SH3RF3: variants seen among roughly 807,000 people sequenced by gnomAD.
SH3RF3 encodes SH3 domain containing ring finger 3.
SH3RF3 carries 29 observed loss-of-function variants against 66.3 expected under a neutral mutation model. That is an observed-to-expected ratio of 0.44 (90% CI 0.33 to 0.60). SH3RF3 has a LOEUF of 0.60. Among genes scored for constraint, SH3RF3 ranks in the 20% least tolerant of loss-of-function variants. The pLI is 0.04. For missense variants in SH3RF3, 1,194 were observed against 1,190.9 expected (o/e 1.00, Z -0.04); for synonymous variants, 583 against 532.0 (o/e 1.10, Z -1.32).
intron 1 of SH3RF3, among the ~76,000 whole-genome samples, chr2:109,331,065 A>G (rs1187863219): frequency 6.6e-6 from 1 of 152,236 alleles, no homozygotes; most frequent in Non-Finnish European, 1.5e-5. Flanking sequence ...AATCTAAAAA[A>G]GACTCCTCAG....
intron 1 of SH3RF3, among the ~76,000 whole-genome samples, chr2:109,347,370 A>G (rs1170005851): frequency 1.3e-5 from 2 of 152,024 alleles, no homozygotes; most frequent in Admixed American, 6.6e-5. Context: ...AAATGAAGAC[A>G]AGCCAGCACC....
intron 1 of SH3RF3, among the ~76,000 whole-genome samples, chr2:109,206,533 G>A (rs1248127741): frequency 6.9e-6 from 1 of 144,744 alleles, no homozygotes. Context: ...AGGAGGCTGA[G>A]TGTGGTGGCT....
At chr2:109,184,104 A>G (rs958109301) in intron 1 of SH3RF3, among the ~76,000 whole-genome samples, 1 of 152,184 alleles carries the variant, frequency 6.6e-6, no homozygotes, top group Non-Finnish European at 1.5e-5. Flanking sequence ...TGGTGGTTCC[A>G]TGTGCTTCGT....
At chr2:109,277,100 C>T (rs1680775279) in intron 1 of SH3RF3, among the ~76,000 whole-genome samples, 2 of 152,218 alleles carry the variant, frequency 1.3e-5, no homozygotes, top group Non-Finnish European at 2.9e-5. Context: ...GGTCCCTCAA[C>T]TGTCCAGAGC....
intron 6 of SH3RF3, 125 bp downstream of exon 6, chr2:109,432,796 C>A: frequency 7.6e-7 from 1 of 1,315,570 alleles, no homozygotes; most frequent in Non-Finnish European, 1.0e-6. Context: ...CACCAGTGCC[C>A]AGGGTTCAGC....
At chr2:109,447,575 C>CT (rs569034252) in intron 7 of SH3RF3, among the ~76,000 whole-genome samples, 167 of 152,244 alleles carry the variant, frequency 1.1e-3, no homozygotes, top group South Asian at 3.9e-3. Context: ...TGGTGCTGCC[C>CT]GGGCCACTTG....
At chr2:109,171,690 G>A (rs1025104316) in intron 1 of SH3RF3, among the ~76,000 whole-genome samples, 2 of 152,244 alleles carry the variant, frequency 1.3e-5, no homozygotes, top group Non-Finnish European at 2.9e-5. Flanking sequence ...TTGGGAGTTC[G>A]GTGCAGCTAA....
In SH3RF3 at chr2:109,467,878, A is replaced by G. The variant is rs114030834; in HGVS notation, c.2148+18389A>G. ...CTCCGCCGTCATTCACATCCCTCAC[A>G]GACCTCAGATGCCTGTAGCCAGCTG... On this transcript the variant is annotated intron_variant, in intron 8 of 9. Coordinates refer to ENST00000309415, the MANE Select transcript of SH3RF3 (RefSeq NM_001099289.3). Among the ~76,000 whole-genome samples, 357 of 152,112 alleles carry G rather than the reference A, an allele frequency of 2.3e-3. 2 individuals carry two copies. The highest frequency in any genetic ancestry group is 8.0e-3 in the African/African-American group (329 of 41,376).
At chr2:109,428,274 G>A (rs983835663) in intron 5 of SH3RF3, among the ~76,000 whole-genome samples, 2 of 152,250 alleles carry the variant, frequency 1.3e-5, no homozygotes, top group African/African-American at 2.4e-5. Flanking sequence ...TGAAATTAGC[G>A]AAGGCACTAA....
At chr2:109,327,827 T>C (rs887538887) in intron 1 of SH3RF3, among the ~76,000 whole-genome samples, 1 of 152,376 alleles carries the variant, frequency 6.6e-6, no homozygotes, top group African/African-American at 2.4e-5. Context: ...CACTTCCCAG[T>C]GTTCCTGTTT....
chr2:109,390,714 G>A (rs1034814821), intron 3 of SH3RF3, among the ~76,000 whole-genome samples: 27 of 152,316 alleles, frequency 1.8e-4, no homozygotes, highest in Admixed American at 6.5e-4. Context: ...ATTGACAGCC[G>A]CAGGGCAGCT....
chr2:109,218,412 T>A (rs146573181), intron 1 of SH3RF3, among the ~76,000 whole-genome samples: 1 of 152,162 alleles, frequency 6.6e-6, no homozygotes, highest in Non-Finnish European at 1.5e-5. Context: ...AGTCTTTGAG[T>A]GAAAATGTTA....
intron 1 of SH3RF3, among the ~76,000 whole-genome samples, chr2:109,225,613 G>T (rs1679357196): frequency 6.6e-6 from 1 of 152,234 alleles, no homozygotes. Context: ...CATTTGCAAT[G>T]TCTTAAGTCA....
chr2:109,331,851 C>T (rs79244518), intron 1 of SH3RF3, among the ~76,000 whole-genome samples: 17,446 of 152,126 alleles, frequency 0.11, 1,222 homozygotes, highest in East Asian at 0.24. Flanking sequence ...CTGTCATGCC[C>T]CTGGGGTCTC....
chr2:109,156,404 T>C (rs893174623), intron 1 of SH3RF3, among the ~76,000 whole-genome samples: 6 of 152,216 alleles, frequency 3.9e-5, no homozygotes, highest in Admixed American at 6.5e-5. Flanking sequence ...TTCTGAACTT[T>C]TGAGTGATTC....
At chr2:109,450,071 C>T (rs989277159) in intron 8 of SH3RF3, among the ~76,000 whole-genome samples, 4 of 152,118 alleles carry the variant, frequency 2.6e-5, no homozygotes, top group Non-Finnish European at 5.9e-5. Flanking sequence ...CTGGGCCAGG[C>T]GTGGTGGCTC....
intron 1 of SH3RF3, among the ~76,000 whole-genome samples, chr2:109,322,874 T>C (rs998905596): frequency 6.6e-6 from 1 of 152,210 alleles, no homozygotes; most frequent in African/African-American, 2.4e-5. Context: ...TAAAGTTCCA[T>C]GCACAAACCT....
chr2:109,238,930 A>G (rs1679716017), intron 1 of SH3RF3, among the ~76,000 whole-genome samples: 2 of 152,170 alleles, frequency 1.3e-5, no homozygotes, highest in African/African-American at 4.8e-5. Flanking sequence ...CATGCATCAG[A>G]GACAACAGAT....
At chr2:109,464,773 C>T (rs373995203) in intron 8 of SH3RF3, among the ~76,000 whole-genome samples, 1 of 152,186 alleles carries the variant, frequency 6.6e-6, no homozygotes, top group Non-Finnish European at 1.5e-5. Context: ...TGGCCTACAC[C>T]AAAGTGGTAC....
Sources: allele counts gnomAD v4.1 joint callset (sites outside exome capture counted in the v4.1 genomes callset), GRCh38; gene constraint gnomAD v4.1.1; transcripts MANE v1.5; gene names NCBI Gene and HGNC (gene_info 2026-07-23, HGNC 2026-07-21).